PLAGL1: variants seen among roughly 807,000 people sequenced by gnomAD.
The protein encoded by PLAGL1 is zinc finger protein PLAGL1.
Under a neutral mutation model 4.6 loss-of-function variants are expected in PLAGL1, and 1 was observed. The observed-to-expected ratio is 0.22, with a 90% CI of 0.08 to 1.03. The LOEUF (loss-of-function observed/expected upper bound fraction) is 1.03. Among genes scored for constraint, PLAGL1 ranks in the 50% least tolerant of loss-of-function variants. The pLI is 0.58. For synonymous variants in PLAGL1, 240 were observed against 237.8 expected (o/e 1.01, Z -0.08); for missense variants, 464 against 570.4 (o/e 0.81, Z 1.90).
intron 1 of PLAGL1, among the ~76,000 whole-genome samples, chr6:144,030,778 G>A (rs1243670962): frequency 6.6e-6 from 1 of 152,148 alleles, no homozygotes; most frequent in Non-Finnish European, 1.5e-5. Context: ...CCATATTTTT[G>A]CAATTGTGCT....
chr6:144,001,584 C>T (rs879584975), intron 1 of PLAGL1, among the ~76,000 whole-genome samples: 3 of 152,052 alleles, frequency 2.0e-5, no homozygotes, highest in Middle Eastern at 3.2e-3. Context: ...TAACATATGA[C>T]CACAAATTAT....
chr6:143,984,291 C>A lies in PLAGL1; in HGVS notation c.-544+844G>T, dbSNP rs1383230820. Among the ~76,000 whole-genome samples the A allele has an allele frequency of 6.6e-6, 1 of 152,074 alleles. No homozygotes were observed. Among genetic ancestry groups the A allele is most frequent in the African/African-American group, 2.4e-5 (1 of 41,418 alleles). ...ATTTCTCAAACTTTTCTGTGGAGCA[C>A]CAGTTCAATGGTATATTTGGTGAGG... On this transcript the variant is annotated intron_variant, in intron 2 of 7. Coordinates refer to ENST00000674357, the MANE Select transcript of PLAGL1 (RefSeq NM_001317162.2). The surrounding 1 kb of genome is among the most constrained non-coding windows in gnomAD (Gnocchi z 5.5).
At chr6:143,943,346 T>G (rs1448779714) in intron 7 of PLAGL1, among the ~76,000 whole-genome samples, 1 of 152,096 alleles carries the variant, frequency 6.6e-6, no homozygotes, top group East Asian at 1.9e-4. Flanking sequence ...AAAGCCCCAG[T>G]TTTAGGTTAT....
chr6:144,036,085 G>A lies in PLAGL1; in HGVS notation c.-151+28383C>T, dbSNP rs182152634. ...TCCAACCCCAAGAAAGTGCTTCAAGGACACCCCAGGTGGACCCAGAGGGCA... is the reference window on the plus strand; with the variant it reads ...TCCAACCCCAAGAAAGTGCTTCAAGAACACCCCAGGTGGACCCAGAGGGCA... On this transcript the variant is annotated intron_variant, in intron 1 of 3. Transcript: ENST00000437412. The surrounding 1 kb of genome is among the most constrained non-coding windows in gnomAD (Gnocchi z 5.1). Among the ~76,000 whole-genome samples the A allele has an allele frequency of 7.4e-4, 113 of 152,222 alleles. No individual in the cohort carries two copies. Among genetic ancestry groups the A allele is most frequent in the African/African-American group, 2.5e-3 (105 of 41,524 alleles).
rs1198149126 is a variant in PLAGL1, at chr6:143,961,317, T to G, written c.-398-775A>C. ...AGGCTATTCCAACCAACTGATCCTC[T>G]TACAGGGAAAGCTTTTCAGGATTTT... On this transcript the variant is annotated intron_variant, in intron 5 of 7. Coordinates refer to ENST00000674357, the MANE Select transcript of PLAGL1 (RefSeq NM_001317162.2). The surrounding 1 kb of genome is among the most constrained non-coding windows in gnomAD (Gnocchi z 6.5). 2 of 152,210 alleles carry G rather than the reference T, an allele frequency of 1.3e-5. No individual in the cohort carries two copies. Among genetic ancestry groups the G allele is most frequent in the African/African-American group, 4.8e-5 (2 of 41,446 alleles). The allele number at this position is 152,210 out of a possible 1,614,324, so 9.4% of individuals were successfully genotyped here.
rs1254963990 is a variant in PLAGL1 at position 144,039,469 on chromosome 6, C to T, written c.-151+24999G>A. Among the ~76,000 whole-genome samples the T allele has an allele frequency of 2.0e-5, 3 of 152,084 alleles. No individual in the cohort carries two copies. The highest frequency in any genetic ancestry group is 2.9e-5 in the Non-Finnish European group (2 of 68,010). On this transcript the variant is annotated intron_variant, in intron 1 of 3. Transcript: ENST00000437412. The surrounding 1 kb of genome is among the most constrained non-coding windows in gnomAD (Gnocchi z 4.1). The stretch of plus-strand genomic sequence containing the variant: ...GGCATGTTGGCACATGCTTGTAATC[C>T]CAGCTACTCAAGAGGCTGAGACACG...
Position 143,962,102 on chromosome 6 carries a change from C to T in PLAGL1, c.-398-1560G>A, listed in dbSNP as rs1368905074. On this transcript the variant is annotated intron_variant, in intron 5 of 7. Transcript: ENST00000674357. The surrounding 1 kb of genome is among the most constrained non-coding windows in gnomAD (Gnocchi z 5.3). Reference sequence around the variant, plus strand: ...GCAGGGAGGAGATCAAATCCCTCAGCTTTTCCCACCTGCCATCTCTGCGCC... The same window carrying T: ...GCAGGGAGGAGATCAAATCCCTCAGTTTTTCCCACCTGCCATCTCTGCGCC... Among the ~76,000 whole-genome samples the T allele has an allele frequency of 1.3e-5, 2 of 152,180 alleles. No homozygotes were observed. The highest frequency in any genetic ancestry group is 4.8e-5 in the African/African-American group (2 of 41,440).
intron 1 of PLAGL1, among the ~76,000 whole-genome samples, chr6:144,035,454 C>T (rs1797151613): frequency 6.6e-6 from 1 of 152,254 alleles, no homozygotes; most frequent in South Asian, 2.1e-4. Flanking sequence ...CTCAGCAAAT[C>T]TGCCCTCCCA....
At position 143,985,982 on chromosome 6, in the gene PLAGL1, TTATATATATATATA is replaced by T. The variant is rs55768066; in HGVS notation, c.-583-822_-583-809del. On this transcript the variant is annotated intron_variant, in intron 1 of 7. Transcript: ENST00000674357. The surrounding 1 kb of genome is among the most constrained non-coding windows in gnomAD (Gnocchi z 4.4). ...TATATCAAATTATATATATATAAAA[TTATATATATATATA>T]TATATATATATATATCATTTAATCC... 3.2e-4 allele frequency among the ~76,000 whole-genome samples: 36 copies of T among 111,584 alleles called. 1 individual carries two copies. In the South Asian group the frequency reaches 4.8e-3, roughly 15 times the overall value. 73.2% of individuals were successfully genotyped at this position (111,584 alleles called of 152,430 possible).
At chr6:144,013,413 C>T (rs1795330993), upstream of PLAGL1, among the ~76,000 whole-genome samples, 1 of 152,160 alleles carries the variant, frequency 6.6e-6, no homozygotes, top group Non-Finnish European at 1.5e-5. The surrounding 1 kb of genome is among the most constrained non-coding windows in gnomAD (Gnocchi z 4.4). Context: ...GACAACTACA[C>T]CCCATCCTGA....
rs373377328 is a variant in PLAGL1 at position 143,992,715 on chromosome 6, C to T, written c.-583-7541G>A. 2.8e-4 allele frequency among the ~76,000 whole-genome samples: 43 copies of T among 152,270 alleles called. 1 individual carries two copies. Among genetic ancestry groups the T allele is most frequent in the Middle Eastern group, 6.8e-3 (2 of 294 alleles). ...AAAAAACAATTGAAATATGGTTGGGCGAGGTGGCTCATAGCACCTTGGGAG... is the reference window on the plus strand; with the variant it reads ...AAAAAACAATTGAAATATGGTTGGGTGAGGTGGCTCATAGCACCTTGGGAG... On this transcript the variant is annotated intron_variant, in intron 1 of 7. Coordinates refer to ENST00000674357, the MANE Select transcript of PLAGL1 (RefSeq NM_001317162.2).
rs916983208 is a variant in PLAGL1, at chr6:143,970,309, G to T, written c.-543-1331C>A. Among the ~76,000 whole-genome samples, 2 of 152,148 alleles carry T rather than the reference G, an allele frequency of 1.3e-5. No individual in the cohort carries two copies. Among genetic ancestry groups the T allele is most frequent in the Non-Finnish European group, 2.9e-5 (2 of 68,018 alleles). ...CCTTGCAGAAAAATGTCTCACTAAA[G>T]AAGGCAATATGTAATGTTGCAAAGT... On this transcript the variant is annotated intron_variant, in intron 2 of 7. Transcript: ENST00000674357. The surrounding 1 kb of genome is among the most constrained non-coding windows in gnomAD (Gnocchi z 5.8).
intron 1 of PLAGL1, among the ~76,000 whole-genome samples, chr6:143,986,400 T>C (rs1420736538): frequency 6.6e-6 from 1 of 152,144 alleles, no homozygotes; most frequent in Admixed American, 6.6e-5. Context: ...AAAGACTTTA[T>C]ATTATAGCAA....
rs1416182192 is a variant in PLAGL1 at position 143,989,156 on chromosome 6, T to G, written c.-583-3982A>C. ...TGGAAAGCCCAGATAGGCAGCTCAG[T>G]GTGTCTGGGGGTGCCCCAGGGGACA... On this transcript the variant is annotated intron_variant, in intron 1 of 7. Coordinates refer to ENST00000674357, the MANE Select transcript of PLAGL1 (RefSeq NM_001317162.2). This position sits in a 1 kb window ranked among gnomAD's most constrained non-coding sequence, Gnocchi z 4.8. 1.3e-5 allele frequency among the ~76,000 whole-genome samples: 2 copies of G among 152,110 alleles called. No homozygotes were observed. The highest frequency in any genetic ancestry group is 2.9e-5 in the Non-Finnish European group (2 of 68,020).
chr6:143,947,803 C>T lies in PLAGL1; in HGVS notation c.152+182G>A, dbSNP rs1203409760. Among the ~76,000 whole-genome samples the T allele has an allele frequency of 2.0e-5, 3 of 152,226 alleles. No individual in the cohort carries two copies. Among genetic ancestry groups the T allele is most frequent in the Non-Finnish European group, 4.4e-5 (3 of 68,042 alleles). On this transcript the variant is annotated intron_variant, in intron 7 of 7. Coordinates refer to ENST00000674357, the MANE Select transcript of PLAGL1 (RefSeq NM_001317162.2). The surrounding 1 kb of genome is among the most constrained non-coding windows in gnomAD (Gnocchi z 4.3). ...TCTCTGTTGAAAGAATGAACTGACA[C>T]TGCACAACAAGACGGTCACATAAAA...
chr6:144,058,917 C>T (rs138657623), intron 1 of PLAGL1, among the ~76,000 whole-genome samples: 30 of 152,128 alleles, frequency 2.0e-4, no homozygotes, highest in African/African-American at 6.8e-4. Flanking sequence ...AGAGTGCAAG[C>T]TGCTGGTGGA....
chr6:144,037,837 G>C (rs189455086), intron 1 of PLAGL1: 108 of 152,220 alleles, frequency 7.1e-4, no homozygotes, highest in African/African-American at 2.5e-3. Context: ...ACACAGTAAG[G>C]TTCTGCAATG....
rs747135910 is a variant in PLAGL1 at position 144,022,717 on chromosome 6, GTC to G, written c.-151+41749_-151+41750del. ...TCTCTTGCCTGCCACCATGTAAGAT[GTC>G]TCTTGCTCTTCCACCATGATTGTGA... On this transcript the variant is annotated intron_variant, in intron 1 of 3. Coordinates refer to the PLAGL1 transcript ENST00000437412. The surrounding 1 kb of genome is among the most constrained non-coding windows in gnomAD (Gnocchi z 4.2). Among the ~76,000 whole-genome samples, 4 of 152,144 alleles carry G rather than the reference GTC, an allele frequency of 2.6e-5. No homozygotes were observed. The highest frequency in any genetic ancestry group is 5.9e-5 in the Non-Finnish European group (4 of 68,030).
rs12527460 is a variant in PLAGL1 at position 143,959,391 on chromosome 6, C to T, written c.-325+1078G>A. ...GCACTCCTAGTCTTCTAATGTCAGG[C>T]ACACTGTAAACAGAAGATACAGGCA... On this transcript the variant is annotated intron_variant, in intron 6 of 7. Coordinates refer to ENST00000674357, the MANE Select transcript of PLAGL1 (RefSeq NM_001317162.2). The surrounding 1 kb of genome is among the most constrained non-coding windows in gnomAD (Gnocchi z 5.3). 6.6e-6 allele frequency among the ~76,000 whole-genome samples: 1 copy of T among 151,958 alleles called. No homozygotes were observed. The highest frequency in any genetic ancestry group is 6.5e-5 in the Admixed American group (1 of 15,278).
Sources: allele counts gnomAD v4.1 joint callset (sites outside exome capture counted in the v4.1 genomes callset), GRCh38; gene constraint gnomAD v4.1.1; non-coding constraint Gnocchi (gnomAD v3.1); transcripts MANE v1.5; gene names NCBI Gene and HGNC (gene_info 2026-07-23, HGNC 2026-07-21).